ERBB4: variants seen among roughly 807,000 people sequenced by gnomAD.
ERBB4 encodes the protein erb-b2 receptor tyrosine kinase 4, also known as receptor tyrosine-protein kinase erbB-4.
Under a neutral mutation model 158.0 loss-of-function variants are expected in ERBB4, and 42 were observed. The observed-to-expected ratio is 0.27, with a 90% confidence interval of 0.21 to 0.34. ERBB4 has a LOEUF of 0.34. Among genes scored for constraint, ERBB4 ranks in the 10% least tolerant of loss-of-function variants. The pLI, the probability that ERBB4 is intolerant of heterozygous loss-of-function variation, is 1.00. For synonymous variants in ERBB4, 583 were observed against 558.7 expected, an observed-to-expected ratio of 1.04 and a Z score of -0.61; for missense variants, 1,333 against 1,624.1, an observed-to-expected ratio of 0.82 and a Z score of 3.08.
Position 212,382,232 on chromosome 2 carries a change from T to C in ERBB4, c.82+156217A>G, listed in dbSNP as rs575447455. Among the ~76,000 whole-genome samples the C allele has an allele frequency of 7.9e-4, 118 of 149,762 alleles. 1 individual carries two copies. The highest frequency in any genetic ancestry group is 2.7e-3 in the African/African-American group (112 of 41,112). On this transcript the variant is annotated intron_variant, in intron 1 of 27. Coordinates refer to ENST00000342788, the MANE Select transcript of ERBB4 (RefSeq NM_005235.3). ...TTATACAAATATACACACATACATA[T>C]ATATACACATTATATATTTACTATA... is the stretch of plus-strand genomic sequence containing the variant.
chr2:211,808,466 T>C (rs1356599731), intron 3 of ERBB4, among the ~76,000 whole-genome samples: 1 of 152,092 alleles, frequency 6.6e-6, no homozygotes, highest in Non-Finnish European at 1.5e-5. Context: ...CTGAGGCCTC[T>C]GTTCTGTTCC....
chr2:212,537,748 C>CTTTT (rs10639453), intron 1 of ERBB4, among the ~76,000 whole-genome samples: 61 of 143,594 alleles, frequency 4.2e-4, no homozygotes, highest in African/African-American at 1.2e-3. Flanking sequence ...TGTGCCAAGC[C>CTTTT]TTTTTTTTTT....
intron 3 of ERBB4, among the ~76,000 whole-genome samples, chr2:211,821,035 A>G (rs2105941854): frequency 6.6e-6 from 1 of 152,044 alleles, no homozygotes; most frequent in East Asian, 1.9e-4. Flanking sequence ...ACAGTAATAG[A>G]AGTCTTAGCC....
chr2:212,300,653 C>G (rs1418909006), intron 1 of ERBB4, among the ~76,000 whole-genome samples: 4 of 151,376 alleles, frequency 2.6e-5, no homozygotes, highest in Non-Finnish European at 4.4e-5. Context: ...TCACCACAAA[C>G]AAGGGGCCAG....
At chr2:212,490,995 G>C (rs903294175) in intron 1 of ERBB4, among the ~76,000 whole-genome samples, 1 of 151,472 alleles carries the variant, frequency 6.6e-6, no homozygotes, top group African/African-American at 2.4e-5. Flanking sequence ...ATTTTTTTCA[G>C]TCTTCTCCTT....
chr2:212,210,213 C>CA (rs58137267), intron 1 of ERBB4, among the ~76,000 whole-genome samples: 1,358 of 135,550 alleles, frequency 0.01, 21 homozygotes, highest in African/African-American at 0.034. Flanking sequence ...AATGCTAGTG[C>CA]AAAAAAAAAA....
intron 1 of ERBB4, among the ~76,000 whole-genome samples, chr2:212,176,669 T>C (rs1162105711): frequency 6.6e-6 from 1 of 152,024 alleles, no homozygotes; most frequent in Non-Finnish European, 1.5e-5. Context: ...TTACCTTATT[T>C]ACACTTATTC....
intron 20 of ERBB4, among the ~76,000 whole-genome samples, chr2:211,437,919 G>A (rs1460604872): frequency 6.6e-6 from 1 of 152,148 alleles, no homozygotes; most frequent in East Asian, 1.9e-4. Flanking sequence ...TATGGTTAGA[G>A]CTAAAGATAT....
intron 1 of ERBB4, among the ~76,000 whole-genome samples, chr2:212,247,869 C>T (rs2084371384): frequency 6.6e-6 from 1 of 152,104 alleles, no homozygotes; most frequent in South Asian, 2.1e-4. Context: ...GAGGCTGAGA[C>T]ATGAGAATCA....
intron 3 of ERBB4, among the ~76,000 whole-genome samples, chr2:211,812,423 A>C (rs2076779403): frequency 6.6e-6 from 1 of 152,096 alleles, no homozygotes; most frequent in Non-Finnish European, 1.5e-5. Flanking sequence ...TTCATCCCAG[A>C]GGGGCACCTG....
intron 3 of ERBB4, among the ~76,000 whole-genome samples, chr2:211,798,578 G>C (rs1259656680): frequency 2.0e-5 from 3 of 152,026 alleles, no homozygotes; most frequent in Non-Finnish European, 4.4e-5. Flanking sequence ...GTGTTCAAAA[G>C]GTACTAGCTA....
chr2:211,653,477 G>GC (rs1378086488), intron 16 of ERBB4, among the ~76,000 whole-genome samples: 4,294 of 58,176 alleles, frequency 0.074, 65 homozygotes, highest in Non-Finnish European at 0.099. Flanking sequence ...CCCCGCACCC[G>GC]CCCCCCCCCA....
At chr2:212,518,473 A>G (rs1371694964) in intron 1 of ERBB4, among the ~76,000 whole-genome samples, 1 of 152,054 alleles carries the variant, frequency 6.6e-6, no homozygotes, top group Non-Finnish European at 1.5e-5. Context: ...GGGTTATTAA[A>G]TATCCTTCAA....
chr2:211,823,118 T>G (rs2077029190), intron 3 of ERBB4, among the ~76,000 whole-genome samples: 1 of 151,936 alleles, frequency 6.6e-6, no homozygotes, highest in Non-Finnish European at 1.5e-5. Flanking sequence ...AGTCAAGCCC[T>G]GTATAAATCA....
chr2:211,432,668 AGT>A, intron 20 of ERBB4, among the ~76,000 whole-genome samples: 1 of 152,156 alleles, frequency 6.6e-6, no homozygotes, highest in East Asian at 1.9e-4. Context: ...TATCTTCCCA[AGT>A]AATACTATCC....
chr2:212,388,092 A>G (rs2090738080), intron 1 of ERBB4, among the ~76,000 whole-genome samples: 1 of 152,136 alleles, frequency 6.6e-6, no homozygotes, highest in Non-Finnish European at 1.5e-5. Flanking sequence ...AGATCCCTTG[A>G]TATCTGAAAT....
intron 1 of ERBB4, among the ~76,000 whole-genome samples, chr2:212,164,136 G>C (rs569008780): frequency 6.6e-6 from 1 of 151,852 alleles, no homozygotes; most frequent in Admixed American, 6.6e-5. Context: ...GCTGATGTTA[G>C]ACATATAACA....
chr2:212,255,810 A>T (rs537447502), intron 1 of ERBB4, among the ~76,000 whole-genome samples: 1 of 152,044 alleles, frequency 6.6e-6, no homozygotes, highest in East Asian at 1.9e-4. Flanking sequence ...GGGTAGGTGC[A>T]CATAGAATAC....
chr2:212,063,360 A>C (rs1449120668), intron 2 of ERBB4, among the ~76,000 whole-genome samples: 1 of 152,154 alleles, frequency 6.6e-6, no homozygotes, highest in African/African-American at 2.4e-5. Flanking sequence ...TATGATATTT[A>C]ACAGATTATA....
Sources: gnomAD v4.1 joint callset for allele counts (sites outside exome capture counted in the v4.1 genomes callset) on GRCh38, gnomAD v4.1.1 for gene constraint, MANE v1.5 for transcripts, NCBI Gene and HGNC (gene_info 2026-07-23, HGNC 2026-07-21) for gene names.